ROBO1: variants seen among roughly 807,000 people sequenced by gnomAD.
The protein encoded by ROBO1 is roundabout guidance receptor 1, also known as roundabout homolog 1.
Under a neutral mutation model 195.9 loss-of-function variants are expected in ROBO1, and 149 were observed. The ratio of observed to expected loss-of-function variants is 0.76; its 90% CI spans 0.67 to 0.87. ROBO1 has a LOEUF of 0.87. Among genes scored for constraint, ROBO1 ranks in the 40% least tolerant of loss-of-function variants. ROBO1 has a pLI of 0.00. For synonymous variants in ROBO1, 816 were observed against 733.2 expected, an observed-to-expected ratio of 1.11 and a Z score of -1.82; for missense variants, 1,933 against 2,068.3, an observed-to-expected ratio of 0.93 and a Z score of 1.27.
chr3:79,692,014 T>C (rs781459462), intron 1 of ROBO1, among the ~76,000 whole-genome samples: 2 of 151,848 alleles, frequency 1.3e-5, no homozygotes, highest in Non-Finnish European at 2.9e-5. Context: ...ATAGAGGAAG[T>C]ACAAGGTATA....
intron 2 of ROBO1, among the ~76,000 whole-genome samples, chr3:79,523,717 A>G (rs966074884): frequency 4.0e-5 from 6 of 151,376 alleles, no homozygotes; most frequent in Non-Finnish European, 8.8e-5. Flanking sequence ...CAGATGATCC[A>G]CTCGCCTTGG....
intron 3 of ROBO1, among the ~76,000 whole-genome samples, chr3:78,940,069 G>T (rs1321461830): frequency 6.6e-6 from 1 of 152,044 alleles, no homozygotes; most frequent in Non-Finnish European, 1.5e-5. Context: ...ATTTATCAAA[G>T]ATTTCTCAAA....
intron 3 of ROBO1, among the ~76,000 whole-genome samples, chr3:78,984,658 C>G (rs2077065909): frequency 6.6e-6 from 1 of 152,054 alleles, no homozygotes; most frequent in African/African-American, 2.4e-5. Context: ...AAAGGTTTTC[C>G]TTGTTCTTAG....
intron 1 of ROBO1, among the ~76,000 whole-genome samples, chr3:79,619,672 C>T (rs1944942222): frequency 6.6e-6 from 1 of 152,096 alleles, no homozygotes. Flanking sequence ...CTCTATTGGA[C>T]CTCTCCCAGA....
At chr3:79,267,434 G>T (rs1281805125) in intron 2 of ROBO1, among the ~76,000 whole-genome samples, 1 of 151,320 alleles carries the variant, frequency 6.6e-6, no homozygotes, top group African/African-American at 2.4e-5. Flanking sequence ...TTTTAAAATT[G>T]TACCTAGTTA....
At chr3:79,177,389 C>G (rs75383742) in intron 2 of ROBO1, among the ~76,000 whole-genome samples, 6,834 of 152,224 alleles carry the variant, frequency 0.045, 233 homozygotes, top group African/African-American at 0.089. Context: ...CCAGCACAGA[C>G]CAGACCCCTT....
At chr3:78,726,922 G>GA (rs1242095419) in intron 5 of ROBO1, among the ~76,000 whole-genome samples, 26 of 152,180 alleles carry the variant, frequency 1.7e-4, no homozygotes, top group Admixed American at 1.4e-3. Flanking sequence ...TAACAATCCA[G>GA]AAAAAATAAC....
intron 2 of ROBO1, among the ~76,000 whole-genome samples, chr3:79,399,769 G>A (rs552587825): frequency 1.8e-4 from 27 of 152,254 alleles, no homozygotes; most frequent in Non-Finnish European, 2.5e-4. Flanking sequence ...TGCGTTGAGC[G>A]TAAATGAAAG....
chr3:78,951,944 T>A (rs1268050423), intron 3 of ROBO1, among the ~76,000 whole-genome samples: 3 of 152,014 alleles, frequency 2.0e-5, no homozygotes, highest in Admixed American at 6.6e-5. Flanking sequence ...TCTGTTGAGG[T>A]AAGCATAAAC....
At chr3:79,556,787 A>G (rs1942716178) in intron 2 of ROBO1, among the ~76,000 whole-genome samples, 2 of 151,956 alleles carry the variant, frequency 1.3e-5, no homozygotes, top group South Asian at 4.1e-4. Flanking sequence ...ATTTTAATGA[A>G]TACATTTCAC....
intron 2 of ROBO1, among the ~76,000 whole-genome samples, chr3:79,181,923 G>C (rs1367538813): frequency 9.0e-6 from 1 of 110,982 alleles, no homozygotes; most frequent in Admixed American, 9.7e-5. Context: ...GAGATCTTGT[G>C]CCAAAAAAAA....
intron 1 of ROBO1, among the ~76,000 whole-genome samples, chr3:79,735,750 A>G (rs1703350494): frequency 6.6e-6 from 1 of 152,088 alleles, no homozygotes; most frequent in South Asian, 2.1e-4. Flanking sequence ...AGATGCCTGT[A>G]GTCCCAGCTA....
intron 28 of ROBO1, among the ~76,000 whole-genome samples, chr3:78,612,675 T>G (rs908028387): frequency 6.6e-6 from 1 of 152,248 alleles, no homozygotes; most frequent in African/African-American, 2.4e-5. Context: ...GCATAAAGAC[T>G]TGTTAGTACA....
At position 79,253,459 on chromosome 3, in the gene ROBO1, C is replaced by T. The variant is rs552916098; in HGVS notation, c.89-127920G>A. 5.9e-5 allele frequency among the ~76,000 whole-genome samples: 9 copies of T among 152,330 alleles called. No individual in the cohort carries two copies. In the East Asian group the frequency reaches 7.7e-4, roughly 13 times the overall value. On this transcript the variant is annotated intron_variant, in intron 2 of 30. Coordinates refer to ENST00000464233, the MANE Select transcript of ROBO1 (RefSeq NM_002941.4). Reference sequence around the variant, plus strand: ...TCATCACCAAACACTTCAAAAACAACGGCATTGAAGATGTGTGAAGGAGCT... The same window carrying T: ...TCATCACCAAACACTTCAAAAACAATGGCATTGAAGATGTGTGAAGGAGCT...
In ROBO1 at chr3:78,635,762, A is replaced by G; in HGVS notation, c.3373+11T>C. 1.2e-6 allele frequency: 2 copies of G among 1,610,624 alleles called. No individual in the cohort carries two copies. Among genetic ancestry groups the G allele is most frequent in the South Asian group, 2.2e-5 (2 of 90,916 alleles). ...ACAGAAACAGATGGGAATACATGCAAGCCTCTTCACCTTTGTTCAGCTTGT... is the reference window on the plus strand; with the variant it reads ...ACAGAAACAGATGGGAATACATGCAGGCCTCTTCACCTTTGTTCAGCTTGT... On this transcript the variant is annotated intron_variant, in intron 23 of 30. Transcript: ENST00000464233.
chr3:79,262,261 T>A (rs1273298587), intron 2 of ROBO1, among the ~76,000 whole-genome samples: 1 of 152,028 alleles, frequency 6.6e-6, no homozygotes, highest in East Asian at 1.9e-4. Flanking sequence ...CTCTAGAAAA[T>A]CAGCAGGAAA....
intron 1 of ROBO1, among the ~76,000 whole-genome samples, chr3:79,680,933 T>C (rs957792676): frequency 1.3e-5 from 2 of 151,746 alleles, no homozygotes; most frequent in Non-Finnish European, 2.9e-5. Flanking sequence ...ATGCTGGAAG[T>C]TGAGGTTGTT....
intron 2 of ROBO1, among the ~76,000 whole-genome samples, chr3:79,164,362 G>T (rs922495713): frequency 2.0e-5 from 3 of 152,128 alleles, no homozygotes; most frequent in African/African-American, 7.2e-5. Context: ...ACACATATTT[G>T]TAAGACTTTT....
At chr3:79,283,822 C>T (rs919983075) in intron 2 of ROBO1, among the ~76,000 whole-genome samples, 24 of 151,422 alleles carry the variant, frequency 1.6e-4, no homozygotes, top group Non-Finnish European at 3.2e-4. Flanking sequence ...CTCAGCCTCC[C>T]GAGTAGCTGG....
Sources: allele counts gnomAD v4.1 joint callset (sites outside exome capture counted in the v4.1 genomes callset), GRCh38; gene constraint gnomAD v4.1.1; transcripts MANE v1.5; gene names NCBI Gene and HGNC (gene_info 2026-07-23, HGNC 2026-07-21).